METAP1D: variants seen among roughly 807,000 people sequenced by gnomAD.
The protein encoded by METAP1D is methionyl aminopeptidase type 1D, mitochondrial, also known as methionine aminopeptidase 1D, mitochondrial.
In METAP1D, 31 loss-of-function variants were observed where a neutral mutation model predicts 40.5. The observed-to-expected ratio is 0.77, with a 90% CI of 0.58 to 1.03. The LOEUF is 1.03. Among genes scored for constraint, METAP1D ranks in the 50% least tolerant of loss-of-function variants. The pLI, the probability that METAP1D is intolerant of heterozygous loss-of-function variation, is 0.00. For synonymous variants in METAP1D, 151 were observed against 146.4 expected, an observed-to-expected ratio of 1.03 and a Z score of -0.22; for missense variants, 411 against 420.7, an observed-to-expected ratio of 0.98 and a Z score of 0.20.
At chr2:172,015,939 G>A (rs1005778302) in intron 1 of METAP1D, among the ~76,000 whole-genome samples, 14 of 151,632 alleles carry the variant, frequency 9.2e-5, no homozygotes, top group African/African-American at 2.9e-4. Context: ...GGGCAACAGA[G>A]TGGGACTCTT....
chr2:172,018,071 G>A (rs1312140694), intron 1 of METAP1D, among the ~76,000 whole-genome samples: 5 of 144,288 alleles, frequency 3.5e-5, no homozygotes, highest in African/African-American at 1.0e-4. Flanking sequence ...AGGTTGTAGT[G>A]AGCTGAGATC....
rs1220539874 is a variant in METAP1D, at chr2:172,066,311, G to A, written c.540+5G>A. ...ATTATCAACATTGATGTCACAGTGA[G>A]TAAATCATATAAAAAATTGTCTTTG... On this transcript the variant is annotated splice_donor_5th_base_variant and intron_variant, in intron 5 of 9. Transcript: ENST00000315796. 3 of 1,608,022 alleles carry A rather than the reference G, an allele frequency of 1.9e-6. No individual in the cohort carries two copies. Among genetic ancestry groups the A allele is most frequent in the African/African-American group, 2.7e-5 (2 of 74,682 alleles).
At chr2:172,035,294 A>G (rs1689348371) in intron 1 of METAP1D, among the ~76,000 whole-genome samples, 2 of 152,042 alleles carry the variant, frequency 1.3e-5, no homozygotes, top group African/African-American at 4.8e-5. Context: ...CCTCCCGAGT[A>G]GCTGGGACTG....
In METAP1D at chr2:172,049,092, T is replaced by C. The variant is rs571258757; in HGVS notation, c.41-12406T>C. Among the ~76,000 whole-genome samples the C allele has an allele frequency of 1.1e-4, 16 of 152,272 alleles. 1 individual carries two copies. The East Asian group carries it at 2.9e-3, about 28-fold the overall frequency. The stretch of plus-strand genomic sequence containing the variant: ...CTCTGCCTCCTGGGCTCAAACGGTC[T>C]TCCCACCCCAACCTCCCAAGTAGCT... On this transcript the variant is annotated intron_variant, in intron 1 of 9. Transcript: ENST00000315796.
At chr2:172,042,935 A>G (rs1469981577) in intron 1 of METAP1D, among the ~76,000 whole-genome samples, 2 of 128,210 alleles carry the variant, frequency 1.6e-5, no homozygotes, top group African/African-American at 2.6e-5. Context: ...GTACATGTGT[A>G]TACACGTATG....
At chr2:172,006,616 G>A (rs1232505260) in intron 1 of METAP1D, among the ~76,000 whole-genome samples, 1 of 152,196 alleles carries the variant, frequency 6.6e-6, no homozygotes, top group Non-Finnish European at 1.5e-5. Flanking sequence ...AACTTCATTT[G>A]AACAACATCT....
At chr2:172,034,726 CAATT>C (rs1446972311) in intron 1 of METAP1D, among the ~76,000 whole-genome samples, 49 of 152,090 alleles carry the variant, frequency 3.2e-4, no homozygotes, top group African/African-American at 1.1e-3. Flanking sequence ...AGGGTTTTAT[CAATT>C]AGTTTGTAGT....
chr2:172,058,558 T>C (rs1259271374), intron 1 of METAP1D, among the ~76,000 whole-genome samples: 6 of 143,914 alleles, frequency 4.2e-5, no homozygotes, highest in Non-Finnish European at 7.8e-5. Flanking sequence ...TTTTTTTTTT[T>C]TAGAGAGACA....
intron 1 of METAP1D, among the ~76,000 whole-genome samples, chr2:172,016,989 C>T (rs534141885): frequency 2.8e-4 from 42 of 152,216 alleles, no homozygotes; most frequent in African/African-American, 9.4e-4. Flanking sequence ...GACCTCTCTA[C>T]CCAAAGGAGG....
intron 1 of METAP1D, among the ~76,000 whole-genome samples, chr2:172,046,347 A>G (rs960216121): frequency 1.3e-5 from 2 of 152,174 alleles, no homozygotes; most frequent in South Asian, 4.1e-4. Context: ...ATGTCAGACA[A>G]CATCCATTGC....
intron 1 of METAP1D, among the ~76,000 whole-genome samples, chr2:172,054,043 T>A (rs1208853212): frequency 1.3e-5 from 2 of 152,132 alleles, no homozygotes; most frequent in African/African-American, 4.8e-5. Context: ...TTTTCAGGGA[T>A]AAAATCAGCT....
chr2:172,022,303 A>T (rs957328848), intron 1 of METAP1D, among the ~76,000 whole-genome samples: 2 of 152,192 alleles, frequency 1.3e-5, no homozygotes, highest in African/African-American at 4.8e-5. Flanking sequence ...CTTGAGCTGC[A>T]TCTCTGCTTG....
At chr2:172,045,733 A>ATATG (rs1689728383) in intron 1 of METAP1D, among the ~76,000 whole-genome samples, 4 of 70,962 alleles carry the variant, frequency 5.6e-5, no homozygotes, top group Admixed American at 1.7e-4. Context: ...GTGTGTGTGT[A>ATATG]TATATATGTG....
chr2:172,061,350 C>G (rs1483422147), intron 1 of METAP1D, 148 bp from the exon 2 acceptor site: 2 of 607,030 alleles, frequency 3.3e-6, no homozygotes, highest in Non-Finnish European at 5.5e-6. Context: ...TTCAGAATAC[C>G]ACTGTTTTCA....
chr2:172,053,120 A>G (rs772355225), intron 1 of METAP1D, among the ~76,000 whole-genome samples: 1 of 152,374 alleles, frequency 6.6e-6, no homozygotes, highest in East Asian at 1.9e-4. Flanking sequence ...CTTTAGCAAC[A>G]TTTGTACAAG....
rs144624365 is a variant in METAP1D, at chr2:172,079,330, C to T, written c.850+68C>T. ...GGAAGCTTTTGCCACTGGCCTAGGC[C>T]CGGCAGTCCGGTGAAGGACCAATAA... On this transcript the variant is annotated intron_variant, in intron 8 of 9. Coordinates refer to ENST00000315796, the MANE Select transcript of METAP1D (RefSeq NM_199227.3). 2.5e-4 allele frequency: 363 copies of T among 1,450,220 alleles called. 4 individuals are homozygous for T. In the East Asian group the frequency reaches 6.7e-3, roughly 27 times the overall value. 89.8% of individuals were successfully genotyped at this position (1,450,220 alleles called of 1,614,324 possible). A position where few individuals can be genotyped will look rare whatever the true frequency, so the allele number is the denominator to read the frequency against.
intron 1 of METAP1D, among the ~76,000 whole-genome samples, chr2:172,007,252 C>T (rs987701336): frequency 6.6e-6 from 1 of 151,570 alleles, no homozygotes; most frequent in African/African-American, 2.4e-5. Context: ...TCACTGCAAC[C>T]TCAAACTCCT....
rs562399409 is a variant in METAP1D at position 172,035,508 on chromosome 2, C to T, written c.41-25990C>T. 6.6e-5 allele frequency among the ~76,000 whole-genome samples: 10 copies of T among 152,242 alleles called. No homozygotes were observed. The East Asian group carries it at 1.9e-3, about 29-fold the overall frequency. On this transcript the variant is annotated intron_variant, in intron 1 of 9. Transcript: ENST00000315796. ...AAAAATCAGAATATCACCAGCACCT[C>T]AGAAAACCTCTGCATGCTTCTTCCC... is the stretch of plus-strand genomic sequence containing the variant.
intron 1 of METAP1D, among the ~76,000 whole-genome samples, chr2:172,043,978 A>T (rs981406058): frequency 7.4e-6 from 1 of 134,714 alleles, no homozygotes; most frequent in Non-Finnish European, 1.7e-5. Flanking sequence ...CTGTAGTCCC[A>T]GCTACTTGGG....
Sources: gnomAD v4.1 joint callset for allele counts (sites outside exome capture counted in the v4.1 genomes callset) on GRCh38, gnomAD v4.1.1 for gene constraint, MANE v1.5 for transcripts, NCBI Gene and HGNC (gene_info 2026-07-23, HGNC 2026-07-21) for gene names.